The following GDAP2 variants were observed in gnomAD, a reference collection of about 807,000 sequenced individuals.
The protein encoded by GDAP2 is ganglioside-induced differentiation-associated protein 2.
In GDAP2, 51 loss-of-function variants were observed where a neutral mutation model predicts 67.0. The ratio of observed to expected loss-of-function variants is 0.76; its 90% CI spans 0.61 to 0.96. The LOEUF is 0.96. Ranked by LOEUF, GDAP2 falls within the 40% of genes least tolerant of loss-of-function variation. The probability of loss-of-function intolerance (pLI) is 0.00; values close to 1 mark genes in which losing one functional copy is unlikely to be tolerated. For missense variants in GDAP2, 547 were observed against 588.3 expected, an observed-to-expected ratio of 0.93 and a Z score of 0.73; for synonymous variants, 203 against 207.3, an observed-to-expected ratio of 0.98 and a Z score of 0.18.
chr1:117,904,201 C>G (rs1199829568), intron 6 of GDAP2, among the ~76,000 whole-genome samples: 1 of 152,014 alleles, frequency 6.6e-6, no homozygotes, highest in East Asian at 1.9e-4. Flanking sequence ...GTTGGCCAGG[C>G]AGGTCTTGAA....
chr1:117,876,840 T>A (rs921439802), intron 13 of GDAP2, among the ~76,000 whole-genome samples: 3 of 152,170 alleles, frequency 2.0e-5, no homozygotes, highest in African/African-American at 7.2e-5. Context: ...TATATTTCTA[T>A]CCCAGAAAAT....
At chr1:117,914,127 C>G (rs866626838) in intron 3 of GDAP2, among the ~76,000 whole-genome samples, 3 of 152,174 alleles carry the variant, frequency 2.0e-5, no homozygotes, top group Non-Finnish European at 2.9e-5. Flanking sequence ...TTCCCATGAA[C>G]TTTTCAGTTC....
intron 6 of GDAP2, among the ~76,000 whole-genome samples, chr1:117,905,409 C>T (rs1649622024): frequency 6.6e-6 from 1 of 152,188 alleles, no homozygotes. Flanking sequence ...TGCCTTTGCT[C>T]AGGCTTGTAT....
chr1:117,903,394 T>C (rs1203707433), intron 6 of GDAP2, among the ~76,000 whole-genome samples: 1 of 152,178 alleles, frequency 6.6e-6, no homozygotes, highest in Non-Finnish European at 1.5e-5. Context: ...CCATTAAGTA[T>C]GTTAGCTATG....
At chr1:117,876,163 T>G (rs956813554) in intron 13 of GDAP2, among the ~76,000 whole-genome samples, 22 of 152,138 alleles carry the variant, frequency 1.4e-4, no homozygotes, top group African/African-American at 4.6e-4. Flanking sequence ...AGTCATGGGG[T>G]GGGGCAGATC....
intron 10 of GDAP2, among the ~76,000 whole-genome samples, chr1:117,886,278 C>A (rs571760765): frequency 2.6e-5 from 4 of 152,230 alleles, no homozygotes; most frequent in African/African-American, 9.6e-5. Flanking sequence ...TTTGATTACA[C>A]AATTATAATA....
At chr1:117,918,557 T>A in intron 3 of GDAP2, 40 bp downstream of exon 3, 1 of 1,458,736 alleles carries the variant, frequency 6.9e-7, no homozygotes, top group Non-Finnish European at 9.6e-7. Context: ...TCAAAATGAA[T>A]GTTTTCTAAG....
At position 117,883,474 on chromosome 1, in the gene GDAP2, CA is replaced by C; in HGVS notation, c.1247+13del. ...GAAACTATTTCCCCTTCATAATTTG[CA>C]AAAATAACTAACTTGACATCAACAA... On this transcript the variant is annotated intron_variant, in intron 11 of 13. Coordinates refer to ENST00000369443, the MANE Select transcript of GDAP2 (RefSeq NM_017686.4). The C allele has an allele frequency of 6.2e-7, 1 of 1,603,172 alleles. No individual in the cohort carries two copies. Among genetic ancestry groups the C allele is most frequent in the Non-Finnish European group, 8.5e-7 (1 of 1,172,782 alleles).
In GDAP2 at chr1:117,878,162, A is replaced by G. The variant is rs2359465; in HGVS notation, c.1303-10T>C. 1,946 of 1,451,832 alleles carry G rather than the reference A, an allele frequency of 1.3e-3. 21 individuals are homozygous for G. In the African/African-American group the frequency reaches 0.025, roughly 18 times the overall value. 89.9% of individuals were successfully genotyped at this position (1,451,832 alleles called of 1,614,324 possible). ...AAAACCATGTTGACACCTGATTAAT[A>G]GAAGAGAAAAAATAATTTAAGCTAG... On this transcript the variant is annotated splice_polypyrimidine_tract_variant and intron_variant, in intron 12 of 13. Transcript: ENST00000369443.
intron 6 of GDAP2, among the ~76,000 whole-genome samples, chr1:117,905,852 ATAGCTAATACGAATGTATTAGCTTATTT>A (rs1224879913): frequency 6.6e-6 from 1 of 152,158 alleles, no homozygotes; most frequent in Non-Finnish European, 1.5e-5. Flanking sequence ...TCACTAATAG[ATAGCTAATACGAATGTATTAGCTTATTT>A]TATTATCAAG....
In GDAP2 at chr1:117,868,711, A is replaced by C. The variant is rs1228890840; in HGVS notation, c.*1858T>G. On this transcript the variant is annotated 3_prime_UTR_variant, in exon 14 of 14. Transcript: ENST00000369443. ...GATTGACTGTAGAAGATGAAGTTAA[A>C]GTTGCAGACTTTTAAGGTACAGTGC... is the stretch of plus-strand genomic sequence containing the variant. 6.6e-6 allele frequency: 1 copy of C among 152,108 alleles called. No individual in the cohort carries two copies. Among genetic ancestry groups the C allele is most frequent in the Non-Finnish European group, 1.5e-5 (1 of 68,022 alleles). The allele number at this position is 152,108 out of a possible 1,614,324, so 9.4% of individuals were successfully genotyped here.
In GDAP2 at chr1:117,896,844, C is replaced by T; in HGVS notation, c.942G>A (p.Gln314=). 6.2e-7 allele frequency: 1 copy of T among 1,609,800 alleles called. No homozygotes were observed. The highest frequency in any genetic ancestry group is 1.7e-5 in the Admixed American group (1 of 59,408). ...AAGGGTTGTCTTACTTTCTTTGATG[C>T]TGCTTCTGCAGAGCTGCCTCTGATA... is the stretch of plus-strand genomic sequence containing the variant. The part of the protein sequence containing the change: ...GQLSEAALQK[Q]HQRNYNRWLC... The change falls in exon 8 of 14, where the codon CAG becomes CAA. Residue 314 remains glutamine, a synonymous_variant. Coordinates refer to ENST00000369443, the MANE Select transcript of GDAP2 (RefSeq NM_017686.4).
At position 117,896,888 on chromosome 1, in the gene GDAP2, G is replaced by A. The variant is rs756644043; in HGVS notation, c.898C>T (p.Leu300=). 1 of 1,613,134 alleles carries A rather than the reference G, an allele frequency of 6.2e-7. No homozygotes were observed. The highest frequency in any genetic ancestry group is 8.5e-7 in the Non-Finnish European group (1 of 1,179,370). The change falls in exon 8 of 14, where the codon CTG becomes TTG. Residue 300 remains leucine, a synonymous_variant. Transcript: ENST00000369443. ...TCTGATAATTGTCCCTGAAGGATCAGTTTTCTTTGCTTGTCAATATCTCCT... is the reference window on the plus strand; with the variant it reads ...TCTGATAATTGTCCCTGAAGGATCAATTTTCTTTGCTTGTCAATATCTCCT... ...MEGDIDKQRK[L]ILQGQLSEAA...
In GDAP2 at chr1:117,918,615, C is replaced by T; in HGVS notation, c.298G>A (p.Asp100Asn). 2 of 1,609,370 alleles carry T rather than the reference C, an allele frequency of 1.2e-6. No homozygotes were observed. The highest frequency in any genetic ancestry group is 2.2e-5 in the South Asian group (2 of 90,800). The change falls in exon 3 of 14, where the codon GAT (aspartate) becomes AAT (asparagine). Residue 100 changes from aspartate to asparagine, a missense_variant. Asp to Asn is a conservative substitution (Grantham distance 23). Coordinates refer to ENST00000369443, the MANE Select transcript of GDAP2 (RefSeq NM_017686.4). ...FMLAGPDLKE[D>N]LQKLKGCRTG... Reference sequence around the variant, plus strand: ...CACTCACCTTTAAGTTTCTGGAGATCTTCCTTCAAATCAGGCCCTGCAAGC... The same window carrying T: ...CACTCACCTTTAAGTTTCTGGAGATTTTCCTTCAAATCAGGCCCTGCAAGC...
intron 6 of GDAP2, among the ~76,000 whole-genome samples, chr1:117,905,499 T>TG (rs1348194260): frequency 6.6e-6 from 1 of 152,162 alleles, no homozygotes; most frequent in Non-Finnish European, 1.5e-5. Context: ...TCACTTCCTA[T>TG]GGGAAGCATT....
Position 117,864,994 on chromosome 1 carries a change from T to C in GDAP2, c.*5575A>G, listed in dbSNP as rs1304170972. 3 of 152,222 alleles carry C rather than the reference T, an allele frequency of 2.0e-5. No homozygotes were observed. Among genetic ancestry groups the C allele is most frequent in the East Asian group, 1.9e-4 (1 of 5,200 alleles). 9.4% of individuals were successfully genotyped at this position (152,222 alleles called of 1,614,324 possible). A position where few individuals can be genotyped will look rare whatever the true frequency, so the allele number is the denominator to read the frequency against. On this transcript the variant is annotated 3_prime_UTR_variant, in exon 14 of 14. Transcript: ENST00000369443. ...AGTCTATACTCTTTTACTCTAACTATGGTCTGGGGACCAGGAGAATTGATA... is the reference window on the plus strand; with the variant it reads ...AGTCTATACTCTTTTACTCTAACTACGGTCTGGGGACCAGGAGAATTGATA...
chr1:117,873,006 A>C (rs1024910532), intron 13 of GDAP2, among the ~76,000 whole-genome samples: 2 of 152,128 alleles, frequency 1.3e-5, no homozygotes, highest in South Asian at 4.1e-4. Context: ...TGTCTTTAGG[A>C]GTTCTCTATT....
intron 6 of GDAP2, among the ~76,000 whole-genome samples, chr1:117,899,620 G>A (rs896891598): frequency 6.6e-6 from 1 of 151,980 alleles, no homozygotes; most frequent in South Asian, 2.1e-4. Flanking sequence ...GTTTGTGAAG[G>A]ATTTCTCTTT....
Position 117,867,996 on chromosome 1 carries a change from GCATGA to G in GDAP2, c.*2568_*2572del, listed in dbSNP as rs1372635398. ...TCTTCAACAATTCAATTAGCATTTG[GCATGA>G]CCAAAGTTTAATTAAATTAAAGACT... is the stretch of plus-strand genomic sequence containing the variant. On this transcript the variant is annotated 3_prime_UTR_variant, in exon 14 of 14. Coordinates refer to ENST00000369443, the MANE Select transcript of GDAP2 (RefSeq NM_017686.4). 1 of 152,064 alleles carries G rather than the reference GCATGA, an allele frequency of 6.6e-6. No homozygotes were observed. The highest frequency in any genetic ancestry group is 2.4e-5 in the African/African-American group (1 of 41,418). 9.4% of individuals were successfully genotyped at this position (152,064 alleles called of 1,614,324 possible). A position where few individuals can be genotyped will look rare whatever the true frequency, so the allele number is the denominator to read the frequency against.
Sources: allele counts gnomAD v4.1 joint callset (sites outside exome capture counted in the v4.1 genomes callset), GRCh38; gene constraint gnomAD v4.1.1; transcripts MANE v1.5; gene names NCBI Gene and HGNC (gene_info 2026-07-23, HGNC 2026-07-21).